ZNF695: variants seen among roughly 807,000 people sequenced by gnomAD.
ZNF695 encodes zinc finger protein SBZF3.
A neutral mutation model predicts 11.2 loss-of-function variants in ZNF695; 11 were observed. That is an observed-to-expected ratio of 0.98 (90% CI 0.62 to 1.62). The LOEUF (loss-of-function observed/expected upper bound fraction) is 1.62, where lower values mean the gene tolerates loss of function less well. Ranked by LOEUF, ZNF695 falls within the 40% of genes most tolerant of loss-of-function variation. The pLI is 0.00. For missense variants in ZNF695, 559 were observed against 590.5 expected (o/e 0.95, Z 0.55); for synonymous variants, 190 against 201.4 (o/e 0.94, Z 0.48).
intron 3 of ZNF695, among the ~76,000 whole-genome samples, chr1:246,988,839 CCAG>C (rs1668935146): frequency 6.6e-6 from 1 of 152,058 alleles, no homozygotes; most frequent in African/African-American, 2.4e-5. Flanking sequence ...GCCTGTAATC[CCAG>C]CACTTTGGGA....
chr1:246,973,621 T>C (rs1209708276), intron 4 of ZNF695, among the ~76,000 whole-genome samples: 1 of 152,220 alleles, frequency 6.6e-6, no homozygotes, highest in Non-Finnish European at 1.5e-5. Context: ...GAGAGAAGGA[T>C]GATACTCTTC....
intron 4 of ZNF695, among the ~76,000 whole-genome samples, chr1:246,971,532 C>T (rs1391231930): frequency 2.0e-5 from 3 of 152,156 alleles, no homozygotes; most frequent in Non-Finnish European, 4.4e-5. Context: ...ACTGACGCTA[C>T]CGCTAGACCA....
rs4971310 is a variant in ZNF695 at position 246,986,694 on chromosome 1, A to G, written c.*273T>C. The G allele has an allele frequency of 0.63, 709,340 of 1,134,178 alleles. 228,069 individuals are homozygous for G. The highest frequency in any genetic ancestry group is 0.97 in the East Asian group (21,878 of 22,482). 70.3% of individuals were successfully genotyped at this position (1,134,178 alleles called of 1,614,324 possible). On this transcript the variant is annotated 3_prime_UTR_variant, in exon 4 of 4. Coordinates refer to ENST00000339986, the MANE Select transcript of ZNF695 (RefSeq NM_020394.5). ...TTCTCTCCAATACAAAGTCTTTGAA[A>G]TTGAATACAGTTTGAGCAACTGGAG...
At chr1:246,976,620 C>T (rs566130113) in intron 4 of ZNF695, among the ~76,000 whole-genome samples, 6 of 151,560 alleles carry the variant, frequency 4.0e-5, no homozygotes, top group South Asian at 2.1e-4. Context: ...CGGTGAAACC[C>T]CGTCTCTACT....
At chr1:246,974,943 C>G (rs1000027617) in intron 4 of ZNF695, among the ~76,000 whole-genome samples, 19 of 152,174 alleles carry the variant, frequency 1.2e-4, no homozygotes, top group Non-Finnish European at 1.0e-4. Flanking sequence ...ATTGGAAGGT[C>G]TTTGTATGGC....
chr1:246,976,610 C>A (rs377669759), intron 4 of ZNF695, among the ~76,000 whole-genome samples: 5 of 151,474 alleles, frequency 3.3e-5, no homozygotes, highest in African/African-American at 7.3e-5. Flanking sequence ...CTGGCTAACA[C>A]GGTGAAACCC....
intron 1 of ZNF695, among the ~76,000 whole-genome samples, chr1:247,007,494 CAAAAAAAAAAA>C (rs34758795): frequency 2.5e-5 from 2 of 79,468 alleles, no homozygotes; most frequent in Admixed American, 1.3e-4. Context: ...GACTCCGTCT[CAAAAAAAAAAA>C]AAAAAAAAAA....
chr1:246,958,824 G>A (rs912421469), intron 5 of ZNF695, among the ~76,000 whole-genome samples: 4 of 152,220 alleles, frequency 2.6e-5, no homozygotes, highest in Admixed American at 2.0e-4. Flanking sequence ...AGTAACACGC[G>A]GGGACAGTGA....
At chr1:246,976,100 G>C (rs1480374578) in intron 4 of ZNF695, among the ~76,000 whole-genome samples, 1 of 152,168 alleles carries the variant, frequency 6.6e-6, no homozygotes, top group Non-Finnish European at 1.5e-5. Context: ...GGGAGACGCT[G>C]AGGGAGAGGC....
chr1:246,972,952 C>T (rs189688311), intron 4 of ZNF695, among the ~76,000 whole-genome samples: 17,239 of 142,606 alleles, frequency 0.12, 1,223 homozygotes, highest in Middle Eastern at 0.18. Context: ...TATATATATA[C>T]TATATAAATT....
intron 5 of ZNF695, among the ~76,000 whole-genome samples, chr1:246,964,054 C>T (rs1282147962): frequency 6.6e-6 from 1 of 152,186 alleles, no homozygotes; most frequent in Non-Finnish European, 1.5e-5. Flanking sequence ...TACAGATGGA[C>T]AGCCAGATGG....
At chr1:246,993,431 CAA>C (rs528067701) in intron 3 of ZNF695, among the ~76,000 whole-genome samples, 47 of 149,582 alleles carry the variant, frequency 3.1e-4, no homozygotes, top group African/African-American at 3.2e-4. Context: ...AACAAACAAA[CAA>C]AAAAAAACAC....
At chr1:246,962,794 G>A (rs180735316) in intron 5 of ZNF695, among the ~76,000 whole-genome samples, 30 of 151,628 alleles carry the variant, frequency 2.0e-4, no homozygotes, top group South Asian at 4.2e-4. Flanking sequence ...CCAGGTTCAC[G>A]CCATTCTCCT....
At chr1:246,948,494 C>T (rs1667793515) in intron 5 of ZNF695, among the ~76,000 whole-genome samples, 1 of 152,182 alleles carries the variant, frequency 6.6e-6, no homozygotes, top group Admixed American at 6.5e-5. Context: ...ACTCAACACA[C>T]TACTTAACTT....
At chr1:246,957,343 C>T (rs1668026350) in intron 5 of ZNF695, among the ~76,000 whole-genome samples, 1 of 151,288 alleles carries the variant, frequency 6.6e-6, no homozygotes, top group African/African-American at 2.4e-5. Flanking sequence ...AGATCAGGCT[C>T]CTGCACTCCA....
chr1:246,951,086 G>A (rs1403290296), intron 5 of ZNF695, among the ~76,000 whole-genome samples: 1 of 151,980 alleles, frequency 6.6e-6, no homozygotes, highest in East Asian at 1.9e-4. Context: ...CTCAGTTTAA[G>A]TGTTGTCATA....
At chr1:246,955,638 T>C (rs1667976523) in intron 5 of ZNF695, among the ~76,000 whole-genome samples, 1 of 152,236 alleles carries the variant, frequency 6.6e-6, no homozygotes, top group South Asian at 2.1e-4. Flanking sequence ...TTTTCTTTTG[T>C]ACAAAGGAGG....
chr1:246,994,401 C>A (rs1361260200), intron 3 of ZNF695, among the ~76,000 whole-genome samples: 1 of 151,994 alleles, frequency 6.6e-6, no homozygotes, highest in Non-Finnish European at 1.5e-5. Flanking sequence ...ATTAGCTGGG[C>A]GTGGTGGCAC....
chr1:246,970,196 G>A (rs952156764), intron 4 of ZNF695, among the ~76,000 whole-genome samples: 2 of 152,214 alleles, frequency 1.3e-5, no homozygotes, highest in African/African-American at 2.4e-5. Flanking sequence ...TTCCGACAGT[G>A]AAAGAGTGAT....
Sources: gnomAD v4.1 joint callset for allele counts (sites outside exome capture counted in the v4.1 genomes callset) on GRCh38, gnomAD v4.1.1 for gene constraint, MANE v1.5 for transcripts, NCBI Gene and HGNC (gene_info 2026-07-23, HGNC 2026-07-21) for gene names.